TOM1L2: variants seen among roughly 807,000 people sequenced by gnomAD.
The protein encoded by TOM1L2 is TOM1-like protein 2.
Under a neutral mutation model 67.9 loss-of-function variants are expected in TOM1L2, and 31 were observed. The ratio of observed to expected loss-of-function variants is 0.46; its 90% confidence interval spans 0.34 to 0.62. The LOEUF is 0.62. TOM1L2 is among the 20% of genes least tolerant of loss of function. TOM1L2 has a pLI of 0.01. For missense variants in TOM1L2, 606 were observed against 663.5 expected (o/e 0.91, Z 0.95); for synonymous variants, 256 against 254.0 (o/e 1.01, Z -0.07).
intron 7 of TOM1L2, among the ~76,000 whole-genome samples, chr17:17,878,125 AC>A (rs1406232935): frequency 6.6e-6 from 1 of 152,238 alleles, no homozygotes; most frequent in Non-Finnish European, 1.5e-5. Flanking sequence ...CATCTGGGTA[AC>A]GCCTGGCCGA....
At chr17:17,889,426 C>G in intron 4 of TOM1L2, among the ~76,000 whole-genome samples, 1 of 152,164 alleles carries the variant, frequency 6.6e-6, no homozygotes, top group South Asian at 2.1e-4. Flanking sequence ...TCCCTATAGG[C>G]ACAGGGGGAC....
At chr17:17,970,574 G>C (rs1182300994) in intron 1 of TOM1L2, among the ~76,000 whole-genome samples, 1 of 152,208 alleles carries the variant, frequency 6.6e-6, no homozygotes, top group Non-Finnish European at 1.5e-5. Context: ...ACATGGGGAA[G>C]AAGTAAGGAA....
chr17:17,948,945 G>GT (rs2144871212), intron 1 of TOM1L2, among the ~76,000 whole-genome samples: 1 of 152,292 alleles, frequency 6.6e-6, no homozygotes, highest in South Asian at 2.1e-4. Flanking sequence ...GCTGCTCAGA[G>GT]TAAGTATTGG....
intron 4 of TOM1L2, among the ~76,000 whole-genome samples, chr17:17,891,996 G>A (rs1324095184): frequency 6.6e-6 from 1 of 152,086 alleles, no homozygotes; most frequent in African/African-American, 2.4e-5. Flanking sequence ...TAGACCCTGG[G>A]GACAGCATGT....
At chr17:17,966,678 ACT>A (rs780253891) in intron 1 of TOM1L2, among the ~76,000 whole-genome samples, 3 of 152,150 alleles carry the variant, frequency 2.0e-5, no homozygotes, top group South Asian at 2.1e-4. Flanking sequence ...TCTAGGCTTC[ACT>A]CTGCCATTGA....
intron 2 of TOM1L2, among the ~76,000 whole-genome samples, chr17:17,899,417 G>T (rs542936156): frequency 6.6e-6 from 1 of 152,358 alleles, no homozygotes; most frequent in African/African-American, 2.4e-5. Context: ...CAGAATTATA[G>T]ACAGTACTCA....
chr17:17,956,631 T>C (rs984768779), intron 1 of TOM1L2, among the ~76,000 whole-genome samples: 1 of 152,184 alleles, frequency 6.6e-6, no homozygotes, highest in Non-Finnish European at 1.5e-5. Flanking sequence ...TCCAGAGTCC[T>C]GCCCCGCAGG....
In TOM1L2 at chr17:17,952,376, C is replaced by CTT. The variant is rs60388742; in HGVS notation, c.52+19884_52+19885dup. On this transcript the variant is annotated intron_variant, in intron 1 of 14. Coordinates refer to ENST00000379504, the MANE Select transcript of TOM1L2 (RefSeq NM_001082968.2). The stretch of plus-strand genomic sequence containing the variant: ...TATACAGTAAGTGCTTCTTTATTTT[C>CTT]TTTTTTTTTTTTTTTTTTTTTTTTT... 5.1e-3 allele frequency among the ~76,000 whole-genome samples: 404 copies of CTT among 79,646 alleles called. 11 individuals are homozygous for CTT. The highest frequency in any genetic ancestry group is 6.5e-3 in the Non-Finnish European group (246 of 37,568). 52.3% of individuals were successfully genotyped at this position (79,646 alleles called of 152,430 possible).
intron 1 of TOM1L2, among the ~76,000 whole-genome samples, chr17:17,960,642 A>G (rs1167661047): frequency 6.6e-6 from 1 of 152,138 alleles, no homozygotes; most frequent in Non-Finnish European, 1.5e-5. Flanking sequence ...CCAGCTGGTT[A>G]TTTCACTTCT....
intron 1 of TOM1L2, among the ~76,000 whole-genome samples, chr17:17,926,117 G>C (rs917436641): frequency 9.3e-5 from 14 of 150,626 alleles, no homozygotes; most frequent in African/African-American, 3.4e-4. Flanking sequence ...GCCGCAGTGA[G>C]TTGTGATCAT....
chr17:17,949,920 G>C (rs2041118684), intron 1 of TOM1L2, among the ~76,000 whole-genome samples: 2 of 151,912 alleles, frequency 1.3e-5, no homozygotes, highest in Admixed American at 1.3e-4. Context: ...ACCCAGGCTA[G>C]AGTGCAGTGG....
At chr17:17,966,383 T>G (rs1348060610) in intron 1 of TOM1L2, among the ~76,000 whole-genome samples, 2 of 152,212 alleles carry the variant, frequency 1.3e-5, no homozygotes, top group Non-Finnish European at 2.9e-5. Flanking sequence ...CAAGAAAACC[T>G]ACATTTAATG....
chr17:17,886,447 G>A (rs1209525121), intron 4 of TOM1L2, among the ~76,000 whole-genome samples: 1 of 152,234 alleles, frequency 6.6e-6, no homozygotes, highest in Non-Finnish European at 1.5e-5. Flanking sequence ...TTGCCCGTAG[G>A]GAGTGCCTCT....
At chr17:17,896,212 T>C (rs752009757) in intron 3 of TOM1L2, among the ~76,000 whole-genome samples, 10 of 152,092 alleles carry the variant, frequency 6.6e-5, no homozygotes, top group Non-Finnish European at 1.3e-4. Flanking sequence ...CACCCTTCTC[T>C]CTAGGATTCT....
intron 2 of TOM1L2, among the ~76,000 whole-genome samples, chr17:17,902,291 T>C (rs1180088151): frequency 6.6e-6 from 1 of 152,238 alleles, no homozygotes. Flanking sequence ...CTCAGGCTGA[T>C]GGTGACCTCA....
At chr17:17,886,784 C>T (rs541374070) in intron 4 of TOM1L2, among the ~76,000 whole-genome samples, 1 of 152,244 alleles carries the variant, frequency 6.6e-6, no homozygotes, top group Non-Finnish European at 1.5e-5. Flanking sequence ...GAGGATACTT[C>T]TTCGGGTCCA....
chr17:17,910,813 C>T (rs1021657188), intron 1 of TOM1L2, among the ~76,000 whole-genome samples: 1 of 152,172 alleles, frequency 6.6e-6, no homozygotes, highest in African/African-American at 2.4e-5. Flanking sequence ...AGGTGCTCCA[C>T]CCACCTCAGC....
At chr17:17,856,090 G>A (rs1400148086) in intron 12 of TOM1L2, among the ~76,000 whole-genome samples, 1 of 152,226 alleles carries the variant, frequency 6.6e-6, no homozygotes, top group East Asian at 1.9e-4. Flanking sequence ...AGTCTGTGTG[G>A]GCAGAGACAG....
Position 17,843,671 on chromosome 17 carries a change from G to A in TOM1L2, c.*3964C>T, listed in dbSNP as rs2035498891. 1 of 152,428 alleles carries A rather than the reference G, an allele frequency of 6.6e-6. No individual in the cohort carries two copies. The highest frequency in any genetic ancestry group is 6.5e-5 in the Admixed American group (1 of 15,282). The allele number at this position is 152,428 out of a possible 1,614,324, so 9.4% of individuals were successfully genotyped here. On this transcript the variant is annotated 3_prime_UTR_variant, in exon 15 of 15. Transcript: ENST00000379504. ...GCTCTGCCCACAGAAACACATGACA[G>A]TGACAAAAACACTAAACTTCTAGGA...
Sources: gnomAD v4.1 joint callset for allele counts (sites outside exome capture counted in the v4.1 genomes callset) on GRCh38, gnomAD v4.1.1 for gene constraint, MANE v1.5 for transcripts, NCBI Gene and HGNC (gene_info 2026-07-23, HGNC 2026-07-21) for gene names.